PLXDC1: variants seen among roughly 807,000 people sequenced by gnomAD.
PLXDC1 encodes the protein plexin domain-containing protein 1.
A neutral mutation model predicts 61.3 loss-of-function variants in PLXDC1; 39 were observed. That is an observed-to-expected ratio of 0.64 (90% confidence interval 0.49 to 0.83). The LOEUF (loss-of-function observed/expected upper bound fraction) is 0.83, where lower values mean the gene tolerates loss of function less well. Among genes scored for constraint, PLXDC1 ranks in the 40% least tolerant of loss-of-function variants. The probability of loss-of-function intolerance (pLI) is 0.00; values close to 1 mark genes in which losing one functional copy is unlikely to be tolerated. For synonymous variants in PLXDC1, 212 were observed against 254.5 expected (o/e 0.83, Z 1.59); for missense variants, 596 against 666.5 (o/e 0.89, Z 1.17).
In PLXDC1 at chr17:39,085,360, G is replaced by C. The variant is rs114325534; in HGVS notation, c.908-1820C>G. On this transcript the variant is annotated intron_variant, in intron 8 of 13. Coordinates refer to ENST00000315392, the MANE Select transcript of PLXDC1 (RefSeq NM_020405.5). ...AAGAAGCAGGGGCTGCCCTGTGCAG[G>C]AGGATGAGCACTCTCTGGCTGTTTT... Among the ~76,000 whole-genome samples the C allele has an allele frequency of 2.4e-3, 363 of 152,356 alleles. 3 individuals carry two copies. Among genetic ancestry groups the C allele is most frequent in the Middle Eastern group, 0.01 (3 of 294 alleles).
upstream of PLXDC1, chr17:39,152,789 A>G (rs1027882357): frequency 2.4e-6 from 2 of 827,464 alleles, no homozygotes; most frequent in Non-Finnish European, 3.2e-6. Context: ...AAAAAAGAAA[A>G]GAAAAGAAAA....
chr17:39,151,213 C>G lies in PLXDC1; in HGVS notation c.76+149G>C. The stretch of plus-strand genomic sequence containing the variant: ...TTGGGAAAGTGGGGTCCCTATCCAC[C>G]TGCCCACAGCCCACAGCTCTCCTGG... On this transcript the variant is annotated intron_variant, in intron 1 of 13. Transcript: ENST00000315392. This position sits in a 1 kb window ranked among gnomAD's most constrained non-coding sequence, Gnocchi z 5.2. The G allele has an allele frequency of 1.9e-6, 1 of 530,808 alleles. No individual in the cohort carries two copies. Among genetic ancestry groups the G allele is most frequent in the Non-Finnish European group, 2.9e-6 (1 of 347,232 alleles). 32.9% of individuals were successfully genotyped at this position (530,808 alleles called of 1,614,324 possible). A position where few individuals can be genotyped will look rare whatever the true frequency, so the allele number is the denominator to read the frequency against.
intron 8 of PLXDC1, among the ~76,000 whole-genome samples, chr17:39,086,565 C>T (rs1029767141): frequency 6.6e-6 from 1 of 151,860 alleles, no homozygotes; most frequent in Non-Finnish European, 1.5e-5. Context: ...TGGTGGCTCA[C>T]GCCTGAAATC....
intron 1 of PLXDC1, among the ~76,000 whole-genome samples, chr17:39,146,009 G>A (rs1454779097): frequency 2.6e-5 from 4 of 151,914 alleles, no homozygotes; most frequent in Non-Finnish European, 5.9e-5. Context: ...ATTACATGCC[G>A]GGTTCTGGGC....
At chr17:39,081,734 G>C (rs1909570141) in intron 9 of PLXDC1, among the ~76,000 whole-genome samples, 1 of 152,122 alleles carries the variant, frequency 6.6e-6, no homozygotes, top group African/African-American at 2.4e-5. Context: ...CTTGAACCCA[G>C]GAGTTCAAGA....
At chr17:39,077,240 A>G (rs1012225961) in intron 11 of PLXDC1, among the ~76,000 whole-genome samples, 1 of 152,152 alleles carries the variant, frequency 6.6e-6, no homozygotes, top group African/African-American at 2.4e-5. Flanking sequence ...TGGAGGGGGC[A>G]TGGGAGAAAG....
chr17:39,078,021 G>C lies in PLXDC1; in HGVS notation c.1078C>G (p.Gln360Glu), dbSNP rs1319131641. The change falls in exon 11 of 14, where the codon CAG becomes GAG. Residue 360 changes from glutamine (Q) to glutamate (E), a missense_variant. Gln to Glu is a conservative substitution (Grantham distance 29, BLOSUM62 2). Coordinates refer to ENST00000315392, the MANE Select transcript of PLXDC1 (RefSeq NM_020405.5). ...GAGGCTGAGTCGTGGTCCTCATCCTGGAAGTCCTCGCACATCCTGCCCTCT... is the reference window on the plus strand; with the variant it reads ...GAGGCTGAGTCGTGGTCCTCATCCTCGAAGTCCTCGCACATCCTGCCCTCT... ...EAEGRMCEDF[Q>E]DEDHDSASPD... The C allele has an allele frequency of 1.9e-6, 3 of 1,611,526 alleles. No homozygotes were observed. The African/African-American group carries it at 4.0e-5, about 22-fold the overall frequency.
intron 2 of PLXDC1, among the ~76,000 whole-genome samples, chr17:39,116,560 T>C (rs1274308403): frequency 6.6e-6 from 1 of 152,164 alleles, no homozygotes. Flanking sequence ...CCTCTGGGAA[T>C]CCAAGCCCAC....
chr17:39,146,952 T>TTC, intron 1 of PLXDC1, among the ~76,000 whole-genome samples: 2 of 137,420 alleles, frequency 1.5e-5, no homozygotes, highest in African/African-American at 5.4e-5. Context: ...GAAATGATTT[T>TTC]TTTTTTTTTT....
intron 11 of PLXDC1, among the ~76,000 whole-genome samples, chr17:39,075,818 C>G (rs1183377532): frequency 6.6e-6 from 1 of 152,218 alleles, no homozygotes; most frequent in African/African-American, 2.4e-5. Context: ...TGGCTCACGC[C>G]TGTAATCCTA....
intron 4 of PLXDC1, 178 bp from the exon 5 acceptor site, chr17:39,108,423 C>T (rs1910673369): frequency 1.6e-6 from 1 of 627,512 alleles, no homozygotes; most frequent in Non-Finnish European, 2.8e-6. Flanking sequence ...CCAAAGGACC[C>T]CAGATAGGAG....
Position 39,151,154 on chromosome 17 carries a change from G to A in PLXDC1, c.76+208C>T, listed in dbSNP as rs183677706. Among the ~76,000 whole-genome samples, 1 of 152,142 alleles carries A rather than the reference G, an allele frequency of 6.6e-6. No homozygotes were observed. The highest frequency in any genetic ancestry group is 1.5e-5 in the Non-Finnish European group (1 of 68,022). On this transcript the variant is annotated intron_variant, in intron 1 of 13. Coordinates refer to ENST00000315392, the MANE Select transcript of PLXDC1 (RefSeq NM_020405.5). The surrounding 1 kb of genome is among the most constrained non-coding windows in gnomAD (Gnocchi z 5.2). ...GGAGAGAAGGAGAGGTCCGGGCATC[G>A]GTGTCTCCACCGTCACTCACACACC...
chr17:39,122,378 CAAAAAA>C (rs71141762), intron 2 of PLXDC1, among the ~76,000 whole-genome samples: 3 of 36,496 alleles, frequency 8.2e-5, no homozygotes, highest in African/African-American at 3.3e-4. Context: ...GACTCTGTCT[CAAAAAA>C]AAAAAAAAAA....
intron 2 of PLXDC1, among the ~76,000 whole-genome samples, chr17:39,111,231 C>A (rs1490737297): frequency 6.6e-6 from 1 of 152,186 alleles, no homozygotes; most frequent in Non-Finnish European, 1.5e-5. Flanking sequence ...GGAATGGCCA[C>A]CCTCGCCTTC....
At chr17:39,086,246 T>G (rs985597656) in intron 8 of PLXDC1, among the ~76,000 whole-genome samples, 2 of 152,118 alleles carry the variant, frequency 1.3e-5, no homozygotes, top group Non-Finnish European at 2.9e-5. Flanking sequence ...TCTGCCCCGA[T>G]GGAGAGTGAT....
At chr17:39,097,142 G>A (rs1463102599) in intron 7 of PLXDC1, among the ~76,000 whole-genome samples, 2 of 152,140 alleles carry the variant, frequency 1.3e-5, no homozygotes, top group African/African-American at 2.4e-5. Context: ...GGGGAGGAGA[G>A]TTTTCCCCAG....
rs114138974 is a variant in PLXDC1 at position 39,140,062 on chromosome 17, A to G, written c.77-230T>C. Among the ~76,000 whole-genome samples the G allele has an allele frequency of 5.8e-3, 879 of 152,292 alleles. 14 individuals are homozygous for G. The highest frequency in any genetic ancestry group is 0.02 in the African/African-American group (826 of 41,566). ...TTTAATCCTCATGCCAGCTCTCCGC[A>G]GTAGTTAGGATGTTCTCCATTTTGC... is the stretch of plus-strand genomic sequence containing the variant. On this transcript the variant is annotated intron_variant, in intron 1 of 13. Transcript: ENST00000315392.
chr17:39,142,715 G>A (rs1049589984), intron 1 of PLXDC1, among the ~76,000 whole-genome samples: 13 of 152,098 alleles, frequency 8.5e-5, no homozygotes, highest in Admixed American at 2.0e-4. Flanking sequence ...TGTATTTTTC[G>A]TAGAGGCTGG....
intron 1 of PLXDC1, among the ~76,000 whole-genome samples, chr17:39,143,707 C>T (rs1912005612): frequency 6.6e-6 from 1 of 152,222 alleles, no homozygotes; most frequent in African/African-American, 2.4e-5. Context: ...GGACCCTTGC[C>T]GGCCCCCTCT....
Sources: gnomAD v4.1 joint callset for allele counts (sites outside exome capture counted in the v4.1 genomes callset) on GRCh38, gnomAD v4.1.1 for gene constraint, Gnocchi (gnomAD v3.1) non-coding constraint, MANE v1.5 for transcripts, NCBI Gene and HGNC (gene_info 2026-07-23, HGNC 2026-07-21) for gene names.